RAD18: variants seen among roughly 807,000 people sequenced by gnomAD.
RAD18 encodes the protein RAD18 E3 ubiquitin protein ligase.
A neutral mutation model predicts 60.4 loss-of-function variants in RAD18; 47 were observed. The observed-to-expected ratio is 0.78, with a 90% CI of 0.62 to 0.99. The LOEUF is 0.99. Among genes scored for constraint, RAD18 ranks in the 50% least tolerant of loss-of-function variants. The probability of loss-of-function intolerance (pLI) is 0.00; values close to 1 mark genes in which losing one functional copy is unlikely to be tolerated. For missense variants in RAD18, 640 were observed against 593.3 expected (o/e 1.08, Z -0.82); for synonymous variants, 225 against 195.5 (o/e 1.15, Z -1.26).
At chr3:8,914,997 A>T (rs1940173633) in intron 7 of RAD18, among the ~76,000 whole-genome samples, 1 of 151,240 alleles carries the variant, frequency 6.6e-6, no homozygotes, top group Admixed American at 6.6e-5. Context: ...AAATTTTTTA[A>T]AATTAGCCGG....
At chr3:8,892,010 C>T (rs1368670170) in intron 11 of RAD18, among the ~76,000 whole-genome samples, 4 of 152,172 alleles carry the variant, frequency 2.6e-5, no homozygotes, top group African/African-American at 7.2e-5. Flanking sequence ...TCACTCAGAT[C>T]GCTTCCCTGG....
intron 7 of RAD18, among the ~76,000 whole-genome samples, chr3:8,929,738 T>C (rs2125062550): frequency 6.6e-6 from 1 of 152,062 alleles, no homozygotes; most frequent in South Asian, 2.1e-4. Context: ...GCCTCCTGGG[T>C]TCACCCAATT....
In RAD18 at chr3:8,881,109, C is replaced by T. The variant is rs1203718065; in HGVS notation, c.*248G>A. 2 of 420,314 alleles carry T rather than the reference C, an allele frequency of 4.8e-6. No homozygotes were observed. Among genetic ancestry groups the T allele is most frequent in the Non-Finnish European group, 8.6e-6 (2 of 232,454 alleles). 26.0% of individuals were successfully genotyped at this position (420,314 alleles called of 1,614,324 possible). On this transcript the variant is annotated 3_prime_UTR_variant, in exon 13 of 13. Coordinates refer to ENST00000264926, the MANE Select transcript of RAD18 (RefSeq NM_020165.4). ...CAAAGAGTCTACCTCCTCTGCAAAGCTGGTACCTGTGTGAAATGTCAGTAT... is the reference window on the plus strand; with the variant it reads ...CAAAGAGTCTACCTCCTCTGCAAAGTTGGTACCTGTGTGAAATGTCAGTAT...
At chr3:8,927,244 G>C (rs975675757) in intron 7 of RAD18, among the ~76,000 whole-genome samples, 2 of 152,194 alleles carry the variant, frequency 1.3e-5, no homozygotes. Context: ...CAAAAAGTGG[G>C]TGAAGGATAC....
chr3:8,915,673 T>C (rs539432981), intron 7 of RAD18, among the ~76,000 whole-genome samples: 28 of 151,518 alleles, frequency 1.8e-4, no homozygotes, highest in Admixed American at 1.8e-3. Flanking sequence ...AAGCTCTGCC[T>C]TCCGGGTTCA....
At chr3:8,882,022 T>G (rs139255784) in intron 12 of RAD18, among the ~76,000 whole-genome samples, 1 of 152,314 alleles carries the variant, frequency 6.6e-6, no homozygotes, top group Non-Finnish European at 1.5e-5. Context: ...AAGGAGAGTC[T>G]GCACACACTT....
chr3:8,919,850 G>T (rs915563293), intron 7 of RAD18, among the ~76,000 whole-genome samples: 20 of 74,280 alleles, frequency 2.7e-4, no homozygotes, highest in African/African-American at 9.5e-4. Flanking sequence ...AAAATAATGG[G>T]GGTGTATGTC....
intron 11 of RAD18, among the ~76,000 whole-genome samples, chr3:8,894,182 C>T (rs891144911): frequency 6.6e-6 from 1 of 152,148 alleles, no homozygotes; most frequent in African/African-American, 2.4e-5. Flanking sequence ...GTTAAGAATA[C>T]GCTCTCCTGC....
At chr3:8,947,320 G>C in intron 3 of RAD18, 30 bp from the exon 4 acceptor site, 1 of 1,516,604 alleles carries the variant, frequency 6.6e-7, no homozygotes, top group South Asian at 1.1e-5. Flanking sequence ...GATGGAAAAA[G>C]GTCAAAAACA....
intron 2 of RAD18, among the ~76,000 whole-genome samples, chr3:8,957,727 AG>A (rs1941036022): frequency 6.6e-6 from 1 of 152,190 alleles, no homozygotes; most frequent in African/African-American, 2.4e-5. Context: ...TCAATGGAAT[AG>A]AAGAGTCCAG....
intron 12 of RAD18, among the ~76,000 whole-genome samples, chr3:8,887,762 G>T (rs1939594758): frequency 6.6e-6 from 1 of 152,080 alleles, no homozygotes; most frequent in Non-Finnish European, 1.5e-5. Context: ...AAATTGTGTG[G>T]GTGTGTTTCC....
Position 8,935,958 on chromosome 3 carries a change from G to A in RAD18, c.802C>T (p.Gln268Ter). Reference sequence around the variant, plus strand: ...TTAATGAGCTGTTGTTTATTTCCTTGAATAGATAATCCATGCTCTTTTAGC... The same window carrying A: ...TTAATGAGCTGTTGTTTATTTCCTTAAATAGATAATCCATGCTCTTTTAGC... ...KKLKEHGLSI[Q>*]GNKQQLIKRH... Residue 268 changes from glutamine (Q) to a stop codon, truncating the protein, a stop_gained, in exon 7 of 13, where the codon CAA becomes TAA. Transcript: ENST00000264926. LOFTEE classifies it high-confidence loss of function. 6.2e-7 allele frequency: 1 copy of A among 1,610,722 alleles called. No individual in the cohort carries two copies. Among genetic ancestry groups the A allele is most frequent in the Non-Finnish European group, 8.5e-7 (1 of 1,177,334 alleles).
intron 2 of RAD18, among the ~76,000 whole-genome samples, chr3:8,954,774 T>C (rs1048935984): frequency 6.6e-6 from 1 of 152,182 alleles, no homozygotes; most frequent in African/African-American, 2.4e-5. Context: ...TCACCAATTC[T>C]AGTCAATCCA....
At chr3:8,945,728 C>T (rs1003067287) in intron 4 of RAD18, among the ~76,000 whole-genome samples, 1 of 151,838 alleles carries the variant, frequency 6.6e-6, no homozygotes, top group Admixed American at 6.6e-5. Context: ...CCTCGGCCTC[C>T]GAAAGTGCTG....
At chr3:8,946,890 T>C (rs1574825216) in intron 4 of RAD18, 1 of 213,994 alleles carries the variant, frequency 4.7e-6, no homozygotes, top group South Asian at 1.1e-4. Flanking sequence ...CTAAATACTA[T>C]TCTCCAAGAA....
intron 2 of RAD18, 47 bp downstream of exon 2, chr3:8,958,873 A>G: frequency 7.1e-7 from 1 of 1,403,036 alleles, no homozygotes; most frequent in Admixed American, 1.7e-5. Context: ...ACACTACCTC[A>G]TGTAAAAATC....
chr3:8,887,051 C>G (rs1194839820), intron 12 of RAD18, among the ~76,000 whole-genome samples: 1 of 152,176 alleles, frequency 6.6e-6, no homozygotes, highest in Non-Finnish European at 1.5e-5. Flanking sequence ...TTGCTGCAAG[C>G]TGGAAAGTAA....
chr3:8,918,129 C>T (rs1358218432), intron 7 of RAD18, among the ~76,000 whole-genome samples: 1 of 151,930 alleles, frequency 6.6e-6, no homozygotes. Context: ...ACCAGCCTGA[C>T]CAACATGGTG....
intron 11 of RAD18, among the ~76,000 whole-genome samples, chr3:8,894,183 G>A (rs1008710436): frequency 9.2e-5 from 14 of 152,076 alleles, no homozygotes; most frequent in Admixed American, 7.2e-4. Context: ...TTAAGAATAC[G>A]CTCTCCTGCC....
Sources: allele counts gnomAD v4.1 joint callset (sites outside exome capture counted in the v4.1 genomes callset), GRCh38; gene constraint gnomAD v4.1.1; transcripts MANE v1.5; gene names NCBI Gene and HGNC (gene_info 2026-07-23, HGNC 2026-07-21).